DISP1: variants seen among roughly 807,000 people sequenced by gnomAD.
The protein encoded by DISP1 is dispatched RND transporter family member 1.
DISP1 carries 30 observed loss-of-function variants against 37.3 expected under a neutral mutation model. That is an observed-to-expected ratio of 0.80 (90% confidence interval 0.60 to 1.09). The LOEUF is 1.09. DISP1 is among the 50% of genes least tolerant of loss of function. The pLI is 0.00. For synonymous variants in DISP1, 634 were observed against 690.2 expected, an observed-to-expected ratio of 0.92 and a Z score of 1.28; for missense variants, 1,598 against 1,879.5, an observed-to-expected ratio of 0.85 and a Z score of 2.77.
At chr1:222,995,848 A>G (rs1679029152) in intron 8 of DISP1, among the ~76,000 whole-genome samples, 1 of 152,294 alleles carries the variant, frequency 6.6e-6, no homozygotes, top group East Asian at 1.9e-4. Flanking sequence ...TGACCACCTC[A>G]TGCAATCACC....
intron 3 of DISP1, among the ~76,000 whole-genome samples, chr1:222,965,510 T>C (rs959465291): frequency 2.0e-5 from 3 of 152,170 alleles, no homozygotes; most frequent in Non-Finnish European, 4.4e-5. Context: ...TCATTTGATT[T>C]CTTCTCCTGT....
At position 222,943,284 on chromosome 1, in the gene DISP1, C is replaced by G; in HGVS notation, c.461C>G (p.Pro154Arg). ...TCCTTCTGCCTGCATCATCCGTGGC[C>G]TGACCATTTTCAGCATCAGCCTGTG... is the stretch of plus-strand genomic sequence containing the variant. ...SPSFCLHHPW[P>R]DHFQHQPVQQ... The change falls in exon 3 of 9, where the codon CCT (proline) becomes CGT (arginine). Residue 154 changes from proline (P) to arginine (R), a missense_variant. Transcript: ENST00000675850. 1 of 1,614,202 alleles carries G rather than the reference C, an allele frequency of 6.2e-7. No individual in the cohort carries two copies. Among genetic ancestry groups the G allele is most frequent in the Non-Finnish European group, 8.5e-7 (1 of 1,180,022 alleles).
intron 1 of DISP1, among the ~76,000 whole-genome samples, chr1:222,815,386 A>G (rs1261488784): frequency 6.6e-6 from 1 of 152,046 alleles, no homozygotes; most frequent in Non-Finnish European, 1.5e-5. Flanking sequence ...CTCGGAGGAA[A>G]GTAGTCATTC....
chr1:222,906,564 C>T (rs1313988123), intron 1 of DISP1, among the ~76,000 whole-genome samples: 1 of 152,212 alleles, frequency 6.6e-6, no homozygotes, highest in Non-Finnish European at 1.5e-5. Flanking sequence ...CGAAAACTCG[C>T]CAAAACCAAG....
In DISP1 at chr1:222,942,963, G is replaced by T; in HGVS notation, c.140G>T (p.Arg47Ile). The stretch of plus-strand genomic sequence containing the variant: ...CAGCTCACACCCAAAGAAGCAACAA[G>T]AACAAAAGTGAGTCCAAATGGATGC... Reference protein sequence around the residue: ...AQQLTPKEATRTKVSPNGCLQ... With the variant: ...AQQLTPKEATITKVSPNGCLQ... The change falls in exon 3 of 9, where the codon AGA becomes ATA. Residue 47 changes from arginine (R) to isoleucine (I), a missense_variant. By Grantham distance (97) the Arg-to-Ile change is moderately conservative. Transcript: ENST00000675850. 6.2e-7 allele frequency: 1 copy of T among 1,614,166 alleles called. No individual in the cohort carries two copies. The highest frequency in any genetic ancestry group is 8.5e-7 in the Non-Finnish European group (1 of 1,180,028).
chr1:222,952,588 A>G (rs981851487), intron 3 of DISP1, among the ~76,000 whole-genome samples: 4 of 152,214 alleles, frequency 2.6e-5, no homozygotes, highest in Admixed American at 2.0e-4. Flanking sequence ...GCAGTGGCTC[A>G]AGTCTGTAAT....
At chr1:222,982,882 C>T (rs1252144862) in intron 3 of DISP1, among the ~76,000 whole-genome samples, 198 bp from the exon 4 acceptor site, 1 of 151,642 alleles carries the variant, frequency 6.6e-6, no homozygotes, top group Non-Finnish European at 1.5e-5. Context: ...CGAGCTGTCT[C>T]TACTAGTATG....
intron 1 of DISP1, among the ~76,000 whole-genome samples, chr1:222,924,214 T>C (rs1672961405): frequency 1.3e-5 from 2 of 152,228 alleles, no homozygotes; most frequent in Admixed American, 1.3e-4. Flanking sequence ...TGCAATATTG[T>C]CTTTGCTCCA....
At chr1:222,982,806 G>A (rs1452360874) in intron 3 of DISP1, among the ~76,000 whole-genome samples, 1 of 152,124 alleles carries the variant, frequency 6.6e-6, no homozygotes, top group Non-Finnish European at 1.5e-5. Context: ...TGTACAGTGT[G>A]AGTATGATTC....
intron 1 of DISP1, among the ~76,000 whole-genome samples, chr1:222,900,493 G>T (rs1671519079): frequency 6.6e-6 from 1 of 152,112 alleles, no homozygotes; most frequent in Admixed American, 6.5e-5. Context: ...GATTTTCAGT[G>T]CTTCTGTTTT....
Position 222,899,116 on chromosome 1 carries a change from C to G in DISP1, c.-158-29314C>G, listed in dbSNP as rs187285343. Among the ~76,000 whole-genome samples the G allele has an allele frequency of 2.9e-3, 447 of 151,574 alleles. 3 individuals carry two copies. Among genetic ancestry groups the G allele is most frequent in the African/African-American group, 0.011 (434 of 41,322 alleles). ...AAGAATATTTTATATGAATATAGTC[C>G]TTTACCTTTTTGATTCCTACAGCAA... On this transcript the variant is annotated intron_variant, in intron 1 of 8. Transcript: ENST00000675850.
At chr1:222,819,148 C>T (rs1662060754) in intron 1 of DISP1, among the ~76,000 whole-genome samples, 1 of 152,096 alleles carries the variant, frequency 6.6e-6, no homozygotes, top group Non-Finnish European at 1.5e-5. Context: ...CCCACCTGCC[C>T]CTGTGCTCGT....
Position 223,004,466 on chromosome 1 carries a change from T to C in DISP1, c.3069T>C (p.Thr1023=), listed in dbSNP as rs1679731925. The stretch of plus-strand genomic sequence containing the variant: ...CAATTGCTGGAACGATATTTGTCAC[T>C]GTTGGTTCTCTTGTCCTGCTGGGCT... ...IISIAGTIFV[T]VGSLVLLGWE... is the part of the protein sequence containing the mutation. Residue 1023 remains threonine, a synonymous_variant, in exon 9 of 9, where the codon ACT becomes ACC. Coordinates refer to ENST00000675850, the MANE Select transcript of DISP1 (RefSeq NM_001377229.1). The surrounding 1 kb of genome is among the most constrained non-coding windows in gnomAD (Gnocchi z 4.9). The C allele has an allele frequency of 6.2e-7, 1 of 1,614,236 alleles. No individual in the cohort carries two copies. Among genetic ancestry groups the C allele is most frequent in the East Asian group, 2.2e-5 (1 of 44,890 alleles).
intron 1 of DISP1, among the ~76,000 whole-genome samples, chr1:222,900,989 T>C (rs1671544653): frequency 6.6e-6 from 1 of 152,190 alleles, no homozygotes; most frequent in Admixed American, 6.5e-5. Flanking sequence ...ATGAGAAAGA[T>C]GAGAAGTATT....
intron 2 of DISP1, among the ~76,000 whole-genome samples, chr1:222,936,971 A>ATTAT (rs1673951519): frequency 1.5e-5 from 1 of 65,690 alleles, no homozygotes; most frequent in Non-Finnish European, 3.3e-5. Context: ...ATTTATAAAT[A>ATTAT]ATATTTTATA....
chr1:222,862,108 T>C (rs1668912385), intron 1 of DISP1, among the ~76,000 whole-genome samples: 1 of 152,214 alleles, frequency 6.6e-6, no homozygotes, highest in African/African-American at 2.4e-5. Context: ...TTGTCTGGCA[T>C]GTAGTAAAAT....
chr1:222,871,125 G>A (rs1269539466), intron 1 of DISP1, among the ~76,000 whole-genome samples: 2 of 148,934 alleles, frequency 1.3e-5, no homozygotes, highest in Non-Finnish European at 3.0e-5. Flanking sequence ...ATTTCTAAGG[G>A]CTCTGTTCTG....
chr1:222,892,879 A>T (rs1041825703), intron 1 of DISP1, among the ~76,000 whole-genome samples: 1 of 152,252 alleles, frequency 6.6e-6, no homozygotes, highest in Non-Finnish European at 1.5e-5. Context: ...TCTATGCAAC[A>T]TGAAAGAAAG....
At chr1:222,822,205 A>G (rs1477724848) in intron 1 of DISP1, among the ~76,000 whole-genome samples, 1 of 152,196 alleles carries the variant, frequency 6.6e-6, no homozygotes, top group Non-Finnish European at 1.5e-5. Flanking sequence ...TTGTAGTGTA[A>G]TTCTTTCTGA....
Sources: gnomAD v4.1 joint callset for allele counts (sites outside exome capture counted in the v4.1 genomes callset) on GRCh38, gnomAD v4.1.1 for gene constraint, Gnocchi (gnomAD v3.1) non-coding constraint, MANE v1.5 for transcripts, NCBI Gene and HGNC (gene_info 2026-07-23, HGNC 2026-07-21) for gene names.